The following PCDHA6 variants were observed in gnomAD, a reference collection of about 807,000 sequenced individuals.
The protein encoded by PCDHA6 is protocadherin alpha-6.
PCDHA6 carries 55 observed loss-of-function variants against 60.3 expected under a neutral mutation model. The ratio of observed to expected loss-of-function variants is 0.91; its 90% CI spans 0.73 to 1.14. The LOEUF is 1.14. PCDHA6 is among the 50% of genes most tolerant of loss of function. The probability of loss-of-function intolerance (pLI) is 0.00; values close to 1 mark genes in which losing one functional copy is unlikely to be tolerated. For missense variants in PCDHA6, 1,327 were observed against 1,256.5 expected, an observed-to-expected ratio of 1.06 and a Z score of -0.85; for synonymous variants, 652 against 557.9, an observed-to-expected ratio of 1.17 and a Z score of -2.38.
At chr5:140,876,499 G>T in intron 1 of PCDHA6, 1 of 1,614,028 alleles carries the variant, frequency 6.2e-7, no homozygotes, top group South Asian at 1.1e-5. Flanking sequence ...AGTTCTGGAC[G>T]TGAATGACAA....
rs782766953 is a variant in PCDHA6 at position 140,875,544 on chromosome 5, G to C, written c.2394+45059G>C. On this transcript the variant is annotated intron_variant, in intron 1 of 3. Coordinates refer to ENST00000529310, the MANE Select transcript of PCDHA6 (RefSeq NM_018909.4). ...TCTCGCTTCTGCTCCTTGCAGCCTG[G>C]GAGGTGGGGAGCGGCCAGCTCCACT... 9.0e-5 allele frequency: 146 copies of C among 1,614,052 alleles called. No homozygotes were observed. The East Asian group carries it at 3.2e-3, about 36-fold the overall frequency.
chr5:140,967,800 TGGCA>T, intron 1 of PCDHA6: 1 of 1,614,174 alleles, frequency 6.2e-7, no homozygotes, highest in Non-Finnish European at 8.5e-7. Context: ...CCAGTGCCCA[TGGCA>T]GGTCACTGCA....
chr5:140,880,646 C>A (rs782457852), intron 1 of PCDHA6, among the ~76,000 whole-genome samples: 1 of 152,060 alleles, frequency 6.6e-6, no homozygotes, highest in Non-Finnish European at 1.5e-5. Context: ...ACTTGAGAGC[C>A]CAACTGAGGT....
rs1359152136 is a variant in PCDHA6, at chr5:140,969,072, C to T, written c.2395-9877C>T. 2.1e-5 allele frequency: 34 copies of T among 1,613,982 alleles called. No individual in the cohort carries two copies. The highest frequency in any genetic ancestry group is 5.0e-5 in the Admixed American group (3 of 59,998). On this transcript the variant is annotated intron_variant, in intron 1 of 3. Transcript: ENST00000529310. ...AACAACAATATTGATGCCAGGATACCGCATGGCCTCAAAGTGCAGCCTCAC... is the reference window on the plus strand; with the variant it reads ...AACAACAATATTGATGCCAGGATACTGCATGGCCTCAAAGTGCAGCCTCAC...
Position 140,942,913 on chromosome 5 carries a change from GA to G in PCDHA6, c.2395-36026del, listed in dbSNP as rs58669311. Among the ~76,000 whole-genome samples the G allele has an allele frequency of 2.0e-3, 305 of 148,960 alleles. 3 individuals carry two copies. The highest frequency in any genetic ancestry group is 6.9e-3 in the African/African-American group (281 of 40,624). ...ATTTATCTCTAAGAATAAGCGTGAA[GA>G]AAAAAAAAATTGAAAAAGAGTTTAA... On this transcript the variant is annotated intron_variant, in intron 1 of 3. Coordinates refer to ENST00000529310, the MANE Select transcript of PCDHA6 (RefSeq NM_018909.4).
intron 1 of PCDHA6, among the ~76,000 whole-genome samples, chr5:140,909,448 C>A (rs547019806): frequency 6.6e-6 from 1 of 152,284 alleles, no homozygotes; most frequent in South Asian, 2.1e-4. Context: ...TGTCATTCTC[C>A]AAGATCCATC....
chr5:141,009,745 A>G lies in PCDHA6; in HGVS notation c.2661A>G (p.Lys887=). The G allele has an allele frequency of 6.2e-7, 1 of 1,614,104 alleles. No individual in the cohort carries two copies. The highest frequency in any genetic ancestry group is 8.5e-7 in the Non-Finnish European group (1 of 1,180,006). The part of the protein sequence containing the change: ...KQSGPGELPD[K]FIIPGSPAII... ...CCGGTCCCGGTGAGTTGCCCGACAA[A>G]TTCATTATCCCAGGATCTCCTGCAA... Residue 887 remains lysine, a synonymous_variant, in exon 4 of 4, where the codon AAA becomes AAG. Coordinates refer to ENST00000529310, the MANE Select transcript of PCDHA6 (RefSeq NM_018909.4).
rs78257345 is a variant in PCDHA6 at position 140,892,116 on chromosome 5, T to C, written c.2394+61631T>C. Among the ~76,000 whole-genome samples the C allele has an allele frequency of 8.0e-3, 1,216 of 152,346 alleles. 6 individuals are homozygous for C. The highest frequency in any genetic ancestry group is 0.019 in the African/African-American group (786 of 41,576). On this transcript the variant is annotated intron_variant, in intron 1 of 3. Transcript: ENST00000529310. ...AACTTTCAAGCTTGGCATTTATATCTGGAACACAATAAGCTCATGGTTTTA... is the reference window on the plus strand; with the variant it reads ...AACTTTCAAGCTTGGCATTTATATCCGGAACACAATAAGCTCATGGTTTTA...
At chr5:140,967,092 C>A (rs782344374) in intron 1 of PCDHA6, 4 of 1,613,156 alleles carry the variant, frequency 2.5e-6, no homozygotes, top group Non-Finnish European at 2.5e-6. Context: ...GATCGGGAGG[C>A]GCTGTGTGAG....
chr5:140,873,205 T>TTTTAAAAGTATTCTTAA (rs2054160501), intron 1 of PCDHA6, among the ~76,000 whole-genome samples: 1 of 152,206 alleles, frequency 6.6e-6, no homozygotes, highest in Non-Finnish European at 1.5e-5. Flanking sequence ...AAACATTCTT[T>TTTTAAAAGTATTCTTAA]AAGTATTAAA....
chr5:140,918,387 C>A (rs1554198606), intron 1 of PCDHA6, among the ~76,000 whole-genome samples: 1 of 152,142 alleles, frequency 6.6e-6, no homozygotes, highest in Non-Finnish European at 1.5e-5. Context: ...TTATTTCTTT[C>A]TCTTGCCTGA....
chr5:140,929,302 G>T, intron 1 of PCDHA6: 1 of 1,587,714 alleles, frequency 6.3e-7, no homozygotes, highest in Admixed American at 1.7e-5. Flanking sequence ...TAGGAAAGGG[G>T]ATCACGCTAA....
intron 1 of PCDHA6, among the ~76,000 whole-genome samples, chr5:140,893,446 A>C (rs1305001651): frequency 6.6e-6 from 1 of 152,132 alleles, no homozygotes; most frequent in Non-Finnish European, 1.5e-5. Flanking sequence ...TGAAGCCAGG[A>C]GTTCAAGACC....
chr5:140,845,861 C>T (rs1050084373), intron 1 of PCDHA6, among the ~76,000 whole-genome samples: 4 of 149,638 alleles, frequency 2.7e-5, no homozygotes, highest in Middle Eastern at 3.5e-3. Context: ...TTAGTGATTG[C>T]AGAAAGGCAA....
chr5:140,992,270 G>A (rs115480506), intron 3 of PCDHA6, among the ~76,000 whole-genome samples: 186 of 152,264 alleles, frequency 1.2e-3, no homozygotes, highest in African/African-American at 4.1e-3. Flanking sequence ...AGTTCTTTTC[G>A]TAGCACATCC....
intron 1 of PCDHA6, chr5:140,852,531 C>G (rs1197831362): frequency 2.2e-6 from 1 of 450,452 alleles, no homozygotes; most frequent in African/African-American, 2.1e-5. Context: ...CCACCTCGGC[C>G]TCCCAAAGTG....
intron 1 of PCDHA6, chr5:140,860,323 G>C (rs782283348): frequency 2.6e-5 from 4 of 152,078 alleles, no homozygotes; most frequent in Non-Finnish European, 5.9e-5. Flanking sequence ...TGAGGCTGCA[G>C]TGACCCATGA....
intron 1 of PCDHA6, among the ~76,000 whole-genome samples, chr5:140,940,458 C>T (rs1041159084): frequency 4.0e-5 from 6 of 151,806 alleles, no homozygotes; most frequent in African/African-American, 1.5e-4. Context: ...TTATAGGTTT[C>T]TGTTCCCTGC....
At chr5:140,900,807 A>G (rs868976984) in intron 1 of PCDHA6, among the ~76,000 whole-genome samples, 1 of 152,176 alleles carries the variant, frequency 6.6e-6, no homozygotes, top group South Asian at 2.1e-4. Flanking sequence ...TAGTGCTTGT[A>G]CTAATTTACA....
Sources: allele counts gnomAD v4.1 joint callset (sites outside exome capture counted in the v4.1 genomes callset), GRCh38; gene constraint gnomAD v4.1.1; transcripts MANE v1.5; gene names NCBI Gene and HGNC (gene_info 2026-07-23, HGNC 2026-07-21).